Variants in ITPRID1 observed in about 807,000 individuals in gnomAD.
ITPRID1 encodes the protein ITPR interacting domain containing 1.
Under a neutral mutation model 95.4 loss-of-function variants are expected in ITPRID1, and 96 were observed. The ratio of observed to expected loss-of-function variants is 1.01; its 90% CI spans 0.85 to 1.19. ITPRID1 has a LOEUF of 1.19. ITPRID1 is among the 50% of genes most tolerant of loss of function. The pLI, the probability that ITPRID1 is intolerant of heterozygous loss-of-function variation, is 0.00. For synonymous variants in ITPRID1, 510 were observed against 453.6 expected, an observed-to-expected ratio of 1.12 and a Z score of -1.58; for missense variants, 1,339 against 1,252.9, an observed-to-expected ratio of 1.07 and a Z score of -1.04.
chr7:31,546,612 T>G (rs1281405096), intron 1 of ITPRID1, among the ~76,000 whole-genome samples: 1 of 152,174 alleles, frequency 6.6e-6, no homozygotes, highest in African/African-American at 2.4e-5. Context: ...ATAACCAGAT[T>G]GGCTTTGGTA....
chr7:31,605,845 G>T (rs1284281255), intron 10 of ITPRID1, among the ~76,000 whole-genome samples: 1 of 152,194 alleles, frequency 6.6e-6, no homozygotes, highest in Non-Finnish European at 1.5e-5. Context: ...GAGCAGCTGA[G>T]ATTTTGATTG....
At chr7:31,638,155 A>G (rs1390642535) in intron 10 of ITPRID1, among the ~76,000 whole-genome samples, 1 of 152,220 alleles carries the variant, frequency 6.6e-6, no homozygotes, top group Non-Finnish European at 1.5e-5. Flanking sequence ...AAGAATCATC[A>G]TGAATTTTGT....
intron 10 of ITPRID1, among the ~76,000 whole-genome samples, chr7:31,639,436 GT>G (rs35965544): frequency 0.82 from 124,119 of 151,346 alleles, 51,296 homozygotes; most frequent in African/African-American, 0.93. Flanking sequence ...TTCAATTTGG[GT>G]TTTTTTTAAA....
At chr7:31,614,946 C>T (rs537238590) in intron 10 of ITPRID1, among the ~76,000 whole-genome samples, 83 of 152,250 alleles carry the variant, frequency 5.5e-4, no homozygotes, top group Middle Eastern at 3.4e-3. Flanking sequence ...CACTGAGGGT[C>T]CATTGCTAGT....
At chr7:31,649,327 G>A (rs1303316482) in intron 12 of ITPRID1, among the ~76,000 whole-genome samples, 2 of 152,130 alleles carry the variant, frequency 1.3e-5, no homozygotes, top group East Asian at 1.9e-4. Flanking sequence ...CTAGAAACAG[G>A]GCTAGAGGAG....
chr7:31,642,254 TC>T lies in ITPRID1; in HGVS notation c.1309del (p.Gln437ArgfsTer26). ...GAGGAGCCGCTGGAACCGCTGCCCC[TC>T]CAGGTAGGAGGGTTTGGAACAGGGC... ...FLEEPLEPLPLQMPSLPNSQS... is the reference protein window; with the variant it reads ...FLEEPLEPLPXQMPSLPNSQS... On this transcript the variant is annotated frameshift_variant, in exon 11 of 15. Transcript: ENST00000615280. LOFTEE classifies it high-confidence loss of function. 6.5e-7 allele frequency: 1 copy of T among 1,550,060 alleles called. No homozygotes were observed. The highest frequency in any genetic ancestry group is 1.4e-5 in the African/African-American group (1 of 73,124).
chr7:31,653,720 T>C lies in ITPRID1; in HGVS notation c.*891T>C, dbSNP rs1300032906. On this transcript the variant is annotated 3_prime_UTR_variant, in exon 15 of 15. Transcript: ENST00000615280. ...GACTTTTCCCTTTTACTTCATAATT[T>C]TGGGGTCCTGAGGTTTATTTTCCTT... 1 of 152,252 alleles carries C rather than the reference T, an allele frequency of 6.6e-6. No homozygotes were observed. The highest frequency in any genetic ancestry group is 1.5e-5 in the Non-Finnish European group (1 of 68,042). The allele number at this position is 152,252 out of a possible 1,614,324, so 9.4% of individuals were successfully genotyped here. A position where few individuals can be genotyped will look rare whatever the true frequency, so the allele number is the denominator to read the frequency against.
chr7:31,550,096 A>T (rs1784231274), intron 2 of ITPRID1, among the ~76,000 whole-genome samples: 1 of 152,090 alleles, frequency 6.6e-6, no homozygotes, highest in Non-Finnish European at 1.5e-5. Context: ...AACATTTTTA[A>T]ACCTTGATAA....
chr7:31,601,713 A>G (rs530409207), intron 10 of ITPRID1, among the ~76,000 whole-genome samples: 1 of 152,272 alleles, frequency 6.6e-6, no homozygotes, highest in African/African-American at 2.4e-5. Flanking sequence ...AAGGGACTCT[A>G]CCGTCACTGA....
At chr7:31,559,068 G>T (rs1784543507) in intron 5 of ITPRID1, among the ~76,000 whole-genome samples, 2 of 152,032 alleles carry the variant, frequency 1.3e-5, no homozygotes, top group African/African-American at 4.8e-5. Context: ...GTACAAATTA[G>T]GTTACAATAA....
chr7:31,551,635 A>T (rs1416354390), intron 2 of ITPRID1, among the ~76,000 whole-genome samples: 2 of 144,002 alleles, frequency 1.4e-5, no homozygotes, highest in African/African-American at 4.9e-5. Flanking sequence ...GTATATATTT[A>T]TACCTGACAG....
intron 1 of ITPRID1, chr7:31,517,321 G>A (rs117967020): frequency 0.078 from 11,818 of 152,232 alleles, 843 homozygotes; most frequent in Admixed American, 0.21. Context: ...TGATTGGTGC[G>A]TTTACAAACC....
chr7:31,601,943 C>T (rs1786410969), intron 10 of ITPRID1, among the ~76,000 whole-genome samples: 1 of 152,094 alleles, frequency 6.6e-6, no homozygotes, highest in African/African-American at 2.4e-5. Flanking sequence ...TTCTACACAC[C>T]CATGAAAGTC....
At chr7:31,638,115 T>C (rs1789662227) in intron 10 of ITPRID1, among the ~76,000 whole-genome samples, 1 of 152,204 alleles carries the variant, frequency 6.6e-6, no homozygotes, top group Non-Finnish European at 1.5e-5. Flanking sequence ...ACATTTAAAG[T>C]TCTGCATTGA....
chr7:31,612,114 A>C (rs1786895762), intron 10 of ITPRID1, among the ~76,000 whole-genome samples: 1 of 151,820 alleles, frequency 6.6e-6, no homozygotes, highest in Non-Finnish European at 1.5e-5. Flanking sequence ...TTCTTCTGCC[A>C]TCTCAGATCT....
chr7:31,622,140 CCACA>C (rs1787969895), intron 10 of ITPRID1, among the ~76,000 whole-genome samples: 1 of 135,798 alleles, frequency 7.4e-6, no homozygotes. Flanking sequence ...ACTTAGACTC[CCACA>C]CATTAATAAT....
intron 10 of ITPRID1, among the ~76,000 whole-genome samples, chr7:31,602,446 G>T (rs141942122): frequency 6.6e-6 from 1 of 152,078 alleles, no homozygotes. Context: ...CTTATTTGTT[G>T]TTTATTCAAA....
intron 1 of ITPRID1, among the ~76,000 whole-genome samples, chr7:31,528,327 A>G (rs559684117): frequency 6.6e-6 from 1 of 152,356 alleles, no homozygotes; most frequent in Non-Finnish European, 1.5e-5. Context: ...AAAATCTTCT[A>G]GAATGAAGCT....
At chr7:31,555,900 T>C (rs1784430140) in intron 5 of ITPRID1, among the ~76,000 whole-genome samples, 1 of 152,202 alleles carries the variant, frequency 6.6e-6, no homozygotes, top group Admixed American at 6.5e-5. Context: ...TTCTTTATTT[T>C]TTCTAATATA....
Sources: gnomAD v4.1 joint callset for allele counts (sites outside exome capture counted in the v4.1 genomes callset) on GRCh38, gnomAD v4.1.1 for gene constraint, MANE v1.5 for transcripts, NCBI Gene and HGNC (gene_info 2026-07-23, HGNC 2026-07-21) for gene names.